GOLGA1: variants seen among roughly 807,000 people sequenced by gnomAD.
GOLGA1 encodes the protein golgin A1.
A neutral mutation model predicts 119.7 loss-of-function variants in GOLGA1; 63 were observed. The observed-to-expected ratio is 0.53, with a 90% CI of 0.43 to 0.65. The LOEUF is 0.65. Among genes scored for constraint, GOLGA1 ranks in the 30% least tolerant of loss-of-function variants. GOLGA1 has a pLI of 0.00. For missense variants in GOLGA1, 798 were observed against 912.8 expected (o/e 0.87, Z 1.62); for synonymous variants, 318 against 333.4 (o/e 0.95, Z 0.50).
intron 10 of GOLGA1, among the ~76,000 whole-genome samples, chr9:124,917,955 C>T (rs903491997): frequency 8.6e-5 from 13 of 152,026 alleles, no homozygotes; most frequent in African/African-American, 2.2e-4. Context: ...TGGGTTCAAG[C>T]GATTCTCCTG....
intron 11 of GOLGA1, among the ~76,000 whole-genome samples, chr9:124,910,371 T>C (rs1420709237): frequency 1.3e-5 from 2 of 152,188 alleles, no homozygotes; most frequent in Non-Finnish European, 2.9e-5. Context: ...GGCCTAGAGA[T>C]ATATACTTTA....
intron 10 of GOLGA1, among the ~76,000 whole-genome samples, chr9:124,919,817 C>A (rs1026598669): frequency 1.3e-4 from 20 of 151,850 alleles, no homozygotes; most frequent in Non-Finnish European, 1.5e-5. Flanking sequence ...CATTCAGAAC[C>A]CAGAGGCCAG....
intron 3 of GOLGA1, among the ~76,000 whole-genome samples, chr9:124,935,267 G>A (rs977353353): frequency 1.1e-4 from 16 of 152,144 alleles, no homozygotes; most frequent in African/African-American, 3.4e-4. Flanking sequence ...AAGTGTAAAC[G>A]TGAAATTATG....
At chr9:124,940,745 G>A (rs1830994584) in intron 1 of GOLGA1, among the ~76,000 whole-genome samples, 1 of 152,194 alleles carries the variant, frequency 6.6e-6, no homozygotes, top group African/African-American at 2.4e-5. Context: ...CTAGAGAGGA[G>A]GAGCGACTTG....
At chr9:124,904,100 A>G (rs994803847) in intron 12 of GOLGA1, among the ~76,000 whole-genome samples, 19 of 152,114 alleles carry the variant, frequency 1.2e-4, no homozygotes, top group Admixed American at 1.2e-3. Context: ...TGTTAAAAAA[A>G]AAAAAGGAAT....
intron 12 of GOLGA1, among the ~76,000 whole-genome samples, chr9:124,903,506 C>T (rs954972220): frequency 5.1e-4 from 78 of 151,714 alleles, no homozygotes; most frequent in Non-Finnish European, 5.3e-4. Context: ...CTTTGCCTCC[C>T]TAAGTACTGG....
intron 13 of GOLGA1, 118 bp from the exon 14 acceptor site, chr9:124,899,596 T>A: frequency 8.6e-6 from 9 of 1,041,952 alleles, no homozygotes; most frequent in Non-Finnish European, 1.2e-5. Flanking sequence ...CCTGACCCCA[T>A]CCCCCCTGGC....
chr9:124,884,176 T>C (rs1829660405), intron 19 of GOLGA1, among the ~76,000 whole-genome samples: 1 of 152,038 alleles, frequency 6.6e-6, no homozygotes, highest in Non-Finnish European at 1.5e-5. Flanking sequence ...CACGCCCAGC[T>C]AATTTTTGTC....
intron 22 of GOLGA1, among the ~76,000 whole-genome samples, 183 bp from the exon 23 acceptor site, chr9:124,880,793 G>T (rs558202368): frequency 6.6e-6 from 1 of 152,300 alleles, no homozygotes; most frequent in East Asian, 1.9e-4. Flanking sequence ...CAGTACAGGA[G>T]GGAAATGAGA....
At chr9:124,928,106 A>G in intron 6 of GOLGA1, 82 bp downstream of exon 6, 1 of 605,906 alleles carries the variant, frequency 1.7e-6, no homozygotes, top group South Asian at 2.1e-5. Flanking sequence ...AATATTTTCT[A>G]TAGGTTATGT....
intron 10 of GOLGA1, 54 bp from the exon 11 acceptor site, chr9:124,912,080 C>G (rs1830352444): frequency 6.4e-7 from 1 of 1,556,102 alleles, no homozygotes; most frequent in African/African-American, 1.4e-5. Flanking sequence ...TTCCTTCCTT[C>G]CTGCTTTCTT....
chr9:124,921,887 T>G lies in GOLGA1; in HGVS notation c.567A>C (p.Leu189Phe). The part of the protein sequence containing the change: ...QELSKIKHML[L>F]KKEESLGKME... ...TTTTCCCTAGACTTTCTTCTTTTTTTAAAAGCTGACACAAAAATACAAAGT... is the reference window on the plus strand; with the variant it reads ...TTTTCCCTAGACTTTCTTCTTTTTTGAAAAGCTGACACAAAAATACAAAGT... The change falls in exon 9 of 23, where the codon TTA becomes TTC. Residue 189 changes from leucine (L) to phenylalanine (F), a missense_variant. Physicochemically the swap from Leu to Phe is conservative, Grantham distance 22. Transcript: ENST00000373555. The G allele has an allele frequency of 6.2e-7, 1 of 1,611,650 alleles. No homozygotes were observed. The highest frequency in any genetic ancestry group is 8.5e-7 in the Non-Finnish European group (1 of 1,178,848).
At chr9:124,900,972 T>A (rs901333145) in intron 12 of GOLGA1, among the ~76,000 whole-genome samples, 1 of 136,248 alleles carries the variant, frequency 7.3e-6, no homozygotes, top group East Asian at 3.3e-4. Flanking sequence ...CACACAGTAT[T>A]TTTTTTTTTT....
intron 10 of GOLGA1, among the ~76,000 whole-genome samples, 189 bp downstream of exon 10, chr9:124,920,940 C>A (rs894473460): frequency 1.3e-5 from 2 of 151,824 alleles, no homozygotes; most frequent in African/African-American, 4.8e-5. Flanking sequence ...CTGACTACTT[C>A]TGCTAAGCAA....
intron 19 of GOLGA1, among the ~76,000 whole-genome samples, chr9:124,882,776 C>T (rs940348581): frequency 6.6e-6 from 1 of 152,178 alleles, no homozygotes. Flanking sequence ...TGCTTTCACA[C>T]GCTTGAGTCT....
At chr9:124,918,292 A>G (rs962255575) in intron 10 of GOLGA1, among the ~76,000 whole-genome samples, 2 of 152,208 alleles carry the variant, frequency 1.3e-5, no homozygotes, top group African/African-American at 2.4e-5. Flanking sequence ...AAAGGCAAGA[A>G]CTGTATCTAT....
chr9:124,897,046 C>T (rs1206100388), intron 15 of GOLGA1, among the ~76,000 whole-genome samples: 1 of 152,142 alleles, frequency 6.6e-6, no homozygotes, highest in East Asian at 1.9e-4. Context: ...GGCCTCTGTG[C>T]TATTCTTTGA....
At chr9:124,889,067 C>T in intron 18 of GOLGA1, 76 bp downstream of exon 18, 3 of 1,193,836 alleles carry the variant, frequency 2.5e-6, no homozygotes, top group South Asian at 1.4e-5. Context: ...GTCCCCACTG[C>T]TGCCTCCTTA....
At chr9:124,905,354 T>TG (rs1466621458) in intron 12 of GOLGA1, among the ~76,000 whole-genome samples, 11 of 151,744 alleles carry the variant, frequency 7.2e-5, no homozygotes, top group Non-Finnish European at 1.2e-4. Context: ...CCCAGCTACT[T>TG]GGGTGGGTGA....
Sources: allele counts gnomAD v4.1 joint callset (sites outside exome capture counted in the v4.1 genomes callset), GRCh38; gene constraint gnomAD v4.1.1; transcripts MANE v1.5; gene names NCBI Gene and HGNC (gene_info 2026-07-23, HGNC 2026-07-21).